The following KCNAB1 variants were observed in gnomAD, a reference collection of about 807,000 sequenced individuals.
KCNAB1 encodes potassium voltage-gated channel subfamily A regulatory beta subunit 1, also known as voltage-gated potassium channel subunit beta-1.
A neutral mutation model predicts 64.6 loss-of-function variants in KCNAB1; 35 were observed. The observed-to-expected ratio is 0.54, with a 90% CI of 0.41 to 0.72. KCNAB1 has a LOEUF of 0.72. KCNAB1 is among the 30% of genes least tolerant of loss of function. KCNAB1 has a pLI of 0.00. For synonymous variants in KCNAB1, 177 were observed against 183.8 expected, an observed-to-expected ratio of 0.96 and a Z score of 0.30; for missense variants, 401 against 512.9, an observed-to-expected ratio of 0.78 and a Z score of 2.11.
chr3:156,217,494 C>A (rs992357990), intron 1 of KCNAB1, among the ~76,000 whole-genome samples: 6 of 152,212 alleles, frequency 3.9e-5, no homozygotes, highest in Non-Finnish European at 7.3e-5. Flanking sequence ...CTGATGAGCT[C>A]ATTCACTCTC....
rs1282153931 is a variant in KCNAB1, at chr3:156,179,403, T to A, written c.275+58517T>A. Among the ~76,000 whole-genome samples the A allele has an allele frequency of 2.6e-5, 4 of 151,366 alleles. No individual in the cohort carries two copies. The East Asian group carries it at 5.8e-4, about 22-fold the overall frequency. ...ACAATTTAAAAATATTCTTTATTAT[T>A]CCCTGGTTTGGAACCCCCCCCCCCA... On this transcript the variant is annotated intron_variant, in intron 1 of 13. Coordinates refer to ENST00000490337, the MANE Select transcript of KCNAB1 (RefSeq NM_172160.3).
chr3:156,473,523 G>A (rs1027811442), intron 7 of KCNAB1, among the ~76,000 whole-genome samples: 1 of 152,104 alleles, frequency 6.6e-6, no homozygotes, highest in Admixed American at 6.6e-5. Context: ...ATCACAGAAG[G>A]TTTATAGGAG....
At chr3:156,248,211 C>G (rs557872504) in intron 1 of KCNAB1, among the ~76,000 whole-genome samples, 1 of 152,322 alleles carries the variant, frequency 6.6e-6, no homozygotes, top group East Asian at 1.9e-4. Flanking sequence ...GAGTTTTGAG[C>G]TTTTGTGATG....
intron 1 of KCNAB1, among the ~76,000 whole-genome samples, chr3:156,171,187 G>GCA (rs147202221): frequency 0.019 from 2,774 of 142,714 alleles, 49 homozygotes; most frequent in Non-Finnish European, 0.024. Flanking sequence ...GAAACTTCAC[G>GCA]CACACATACA....
intron 1 of KCNAB1, among the ~76,000 whole-genome samples, chr3:156,222,999 A>G (rs148193006): frequency 6.6e-6 from 1 of 152,340 alleles, no homozygotes; most frequent in African/African-American, 2.4e-5. Context: ...CAATTAGACA[A>G]TCTGTGTCCG....
At chr3:156,139,327 A>G (rs1023422078) in intron 1 of KCNAB1, among the ~76,000 whole-genome samples, 3 of 152,050 alleles carry the variant, frequency 2.0e-5, no homozygotes, top group Non-Finnish European at 2.9e-5. Flanking sequence ...CCCAGTTCCA[A>G]ATTTGGAGGA....
chr3:156,288,177 A>G (rs1374204612), intron 1 of KCNAB1, among the ~76,000 whole-genome samples: 1 of 152,058 alleles, frequency 6.6e-6, no homozygotes, highest in Non-Finnish European at 1.5e-5. Flanking sequence ...TCTGTGTCCT[A>G]ATCTCCTCCT....
At chr3:156,504,662 G>A (rs1716690385) in intron 8 of KCNAB1, among the ~76,000 whole-genome samples, 1 of 151,036 alleles carries the variant, frequency 6.6e-6, no homozygotes, top group Non-Finnish European at 1.5e-5. Context: ...CTTCCTGTTG[G>A]CCCGTTGTAT....
rs185872780 is a variant in KCNAB1, at chr3:156,217,418, C to T, written c.275+96532C>T. Among the ~76,000 whole-genome samples the T allele has an allele frequency of 9.9e-5, 15 of 151,978 alleles. No individual in the cohort carries two copies. In the East Asian group the frequency reaches 1.2e-3, roughly 12 times the overall value. ...GCAATCAGGAAACTAGAGTGATATACGAAAAAAAATCATTTCCCTAGTTTT... is the reference window on the plus strand; with the variant it reads ...GCAATCAGGAAACTAGAGTGATATATGAAAAAAAATCATTTCCCTAGTTTT... On this transcript the variant is annotated intron_variant, in intron 1 of 13. Coordinates refer to ENST00000490337, the MANE Select transcript of KCNAB1 (RefSeq NM_172160.3).
intron 1 of KCNAB1, among the ~76,000 whole-genome samples, chr3:156,223,291 T>G (rs1049606477): frequency 5.3e-5 from 8 of 152,040 alleles, no homozygotes; most frequent in African/African-American, 9.7e-5. Flanking sequence ...GCTTCCACAG[T>G]GTGGAAGGGG....
chr3:156,300,880 T>C (rs1721113894), intron 1 of KCNAB1, among the ~76,000 whole-genome samples: 1 of 152,234 alleles, frequency 6.6e-6, no homozygotes, highest in African/African-American at 2.4e-5. Context: ...ACTTGTACTG[T>C]GATTAATTTG....
chr3:156,317,914 A>G (rs1353758224), intron 1 of KCNAB1, among the ~76,000 whole-genome samples: 1 of 151,836 alleles, frequency 6.6e-6, no homozygotes, highest in Non-Finnish European at 1.5e-5. Context: ...TATTGCTTCC[A>G]TTAAAGCAAT....
chr3:156,185,726 C>G (rs180773418), intron 1 of KCNAB1, among the ~76,000 whole-genome samples: 2 of 151,908 alleles, frequency 1.3e-5, no homozygotes, highest in African/African-American at 2.4e-5. Context: ...TTCCCATCCT[C>G]GATGATAGGA....
At chr3:156,310,012 G>A (rs1459496947) in intron 1 of KCNAB1, among the ~76,000 whole-genome samples, 1 of 152,184 alleles carries the variant, frequency 6.6e-6, no homozygotes, top group African/African-American at 2.4e-5. Context: ...GGCTTGTTGA[G>A]TGATGAGATT....
chr3:156,133,444 A>T (rs1165299127), intron 1 of KCNAB1, among the ~76,000 whole-genome samples: 1 of 152,276 alleles, frequency 6.6e-6, no homozygotes, highest in Non-Finnish European at 1.5e-5. Context: ...AGGAAAAAAT[A>T]TACTTACATT....
chr3:156,338,715 G>A (rs951332973), intron 1 of KCNAB1, among the ~76,000 whole-genome samples: 40 of 152,314 alleles, frequency 2.6e-4, no homozygotes, highest in African/African-American at 8.7e-4. Flanking sequence ...CTCTATCCCT[G>A]ACCATGTCCC....
chr3:156,305,338 C>A (rs550660454), intron 1 of KCNAB1, among the ~76,000 whole-genome samples: 3 of 152,196 alleles, frequency 2.0e-5, no homozygotes, highest in Non-Finnish European at 4.4e-5. Context: ...CCAGTCCTAG[C>A]ACGGTGGCTT....
upstream of KCNAB1, among the ~76,000 whole-genome samples, chr3:156,119,966 G>T (rs1443728943): frequency 6.6e-6 from 1 of 152,172 alleles, no homozygotes; most frequent in Admixed American, 6.5e-5. Flanking sequence ...GAAGTGCTGG[G>T]AGGGGCAGTT....
intron 8 of KCNAB1, among the ~76,000 whole-genome samples, chr3:156,500,082 T>C (rs9850059): frequency 0.56 from 85,790 of 152,102 alleles, 25,562 homozygotes; most frequent in African/African-American, 0.76. Flanking sequence ...GTAAGCTAAA[T>C]GATCCTTTTG....
Sources: gnomAD v4.1 joint callset for allele counts (sites outside exome capture counted in the v4.1 genomes callset) on GRCh38, gnomAD v4.1.1 for gene constraint, MANE v1.5 for transcripts, NCBI Gene and HGNC (gene_info 2026-07-23, HGNC 2026-07-21) for gene names.